The following ST18 variants were observed in gnomAD, a reference collection of about 807,000 sequenced individuals.
The protein encoded by ST18 is ST18 C2H2C-type zinc finger transcription factor.
A neutral mutation model predicts 110.0 loss-of-function variants in ST18; 50 were observed. The observed-to-expected ratio is 0.45, with a 90% CI of 0.36 to 0.58. The LOEUF (loss-of-function observed/expected upper bound fraction) is 0.58, where lower values mean the gene tolerates loss of function less well. ST18 is among the 20% of genes least tolerant of loss of function. The pLI is 0.00. For synonymous variants in ST18, 461 were observed against 452.4 expected, an observed-to-expected ratio of 1.02 and a Z score of -0.24; for missense variants, 1,306 against 1,280.1, an observed-to-expected ratio of 1.02 and a Z score of -0.31.
At chr8:52,143,488 A>AAAAAAG (rs2056092954) in intron 16 of ST18, among the ~76,000 whole-genome samples, 1 of 152,110 alleles carries the variant, frequency 6.6e-6, no homozygotes, top group South Asian at 2.1e-4. Flanking sequence ...CGTCTCAAAA[A>AAAAAAG]AAAAGAAAAG....
intron 2 of ST18, among the ~76,000 whole-genome samples, chr8:52,272,307 G>A (rs1263420603): frequency 6.6e-6 from 1 of 151,988 alleles, no homozygotes; most frequent in Non-Finnish European, 1.5e-5. Flanking sequence ...ATGACAAAGG[G>A]TTAATCTCCA....
intron 2 of ST18, among the ~76,000 whole-genome samples, chr8:52,358,606 G>A (rs1214149525): frequency 6.6e-6 from 1 of 151,746 alleles, no homozygotes; most frequent in Non-Finnish European, 1.5e-5. Context: ...CAATGAAATG[G>A]AAACATTTCT....
chr8:52,136,471 T>C, intron 19 of ST18, 119 bp downstream of exon 19: 1 of 978,230 alleles, frequency 1.0e-6, no homozygotes, highest in Non-Finnish European at 1.5e-6. Flanking sequence ...GCCTTTGCTG[T>C]GATCCTGGCA....
chr8:52,195,852 T>C (rs1219716974), intron 8 of ST18, among the ~76,000 whole-genome samples: 2 of 152,172 alleles, frequency 1.3e-5, no homozygotes, highest in Non-Finnish European at 2.9e-5. Flanking sequence ...AAAAATAAAG[T>C]AAAACAATAA....
intron 25 of ST18, 150 bp from the exon 26 acceptor site, chr8:52,113,488 A>G: frequency 1.3e-6 from 1 of 786,880 alleles, no homozygotes; most frequent in Non-Finnish European, 2.1e-6. Flanking sequence ...ATGGAGAGAG[A>G]CGGAGTGTGT....
rs749207182 is a variant in ST18 at position 52,171,899 on chromosome 8, T to C, written c.962A>G (p.His321Arg). 14 of 1,614,122 alleles carry C rather than the reference T, an allele frequency of 8.7e-6. No homozygotes were observed. The highest frequency in any genetic ancestry group is 6.7e-5 in the Admixed American group (4 of 60,010). ...CCTATCCAGCTCTTTGTAGGTGTTA[T>C]GGAAAACACAACCTCGCTCAGCCTG... ...ALQAERGCVF[H>R]NTYKELDRFL... Residue 321 changes from histidine to arginine, a missense_variant, in exon 10 of 26, where the codon CAT becomes CGT. Physicochemically the swap from His to Arg is conservative, Grantham distance 29. Coordinates refer to ENST00000689386, the MANE Select transcript of ST18 (RefSeq NM_001352837.2).
At position 52,302,846 on chromosome 8, in the gene ST18, CA is replaced by C. The variant is rs567066825; in HGVS notation, c.-464-72770del. Reference sequence around the variant, plus strand: ...CAACCCCTTCCTTAGAGTAGAATACCAAAAAATACATAGAAGGAAGTCATTA... The same window carrying C: ...CAACCCCTTCCTTAGAGTAGAATACCAAAAATACATAGAAGGAAGTCATTA... On this transcript the variant is annotated intron_variant, in intron 2 of 25. Transcript: ENST00000689386. 5.1e-3 allele frequency among the ~76,000 whole-genome samples: 769 copies of C among 151,728 alleles called. 4 individuals are homozygous for C. The highest frequency in any genetic ancestry group is 8.6e-3 in the Non-Finnish European group (582 of 67,902).
chr8:52,353,303 C>T (rs1368546510), intron 2 of ST18, among the ~76,000 whole-genome samples: 2 of 152,214 alleles, frequency 1.3e-5, no homozygotes, highest in African/African-American at 4.8e-5. Flanking sequence ...CACAATCTTT[C>T]TTAGATGGCT....
At chr8:52,359,214 T>C (rs1040462336) in intron 2 of ST18, among the ~76,000 whole-genome samples, 2 of 151,784 alleles carry the variant, frequency 1.3e-5, no homozygotes, top group Admixed American at 6.6e-5. Context: ...CAAACTATAA[T>C]AGAAAGAGAA....
chr8:52,111,945 A>T lies in ST18; in HGVS notation c.*1253T>A, dbSNP rs1488044968. 1.3e-5 allele frequency: 2 copies of T among 151,556 alleles called. No individual in the cohort carries two copies. The highest frequency in any genetic ancestry group is 4.9e-5 in the African/African-American group (2 of 41,034). 9.4% of individuals were successfully genotyped at this position (151,556 alleles called of 1,614,324 possible). A position where few individuals can be genotyped will look rare whatever the true frequency, so the allele number is the denominator to read the frequency against. On this transcript the variant is annotated 3_prime_UTR_variant, in exon 26 of 26. Coordinates refer to ENST00000689386, the MANE Select transcript of ST18 (RefSeq NM_001352837.2). The stretch of plus-strand genomic sequence containing the variant: ...GTGGGCTCAATTTGAAGTGTGGATG[A>T]GTCTGTGTGTGTGTGTGTGTGTGTG...
chr8:52,357,717 ATATATATATATAT>A (rs1564568732), intron 2 of ST18, among the ~76,000 whole-genome samples: 10 of 73,272 alleles, frequency 1.4e-4, no homozygotes, highest in African/African-American at 3.2e-4. Flanking sequence ...ATATATATAT[ATATATATATATAT>A]AAAACAGACT....
At chr8:52,148,241 G>T (rs1282781141) in intron 16 of ST18, among the ~76,000 whole-genome samples, 2 of 151,756 alleles carry the variant, frequency 1.3e-5, no homozygotes, top group African/African-American at 4.9e-5. Context: ...TACTATGATA[G>T]ATTGATTAAG....
At chr8:52,345,914 A>C (rs1042442370) in intron 2 of ST18, among the ~76,000 whole-genome samples, 1 of 152,170 alleles carries the variant, frequency 6.6e-6, no homozygotes, top group Non-Finnish European at 1.5e-5. Context: ...AATATCTTAA[A>C]TATATAAAAA....
At chr8:52,274,328 G>A (rs188994492) in intron 2 of ST18, among the ~76,000 whole-genome samples, 8 of 152,114 alleles carry the variant, frequency 5.3e-5, no homozygotes, top group Admixed American at 4.6e-4. Context: ...TAGATAAAAT[G>A]TTTTACGTAG....
rs141802011 is a variant in ST18, at chr8:52,284,114, C to T, written c.-464-54037G>A. On this transcript the variant is annotated intron_variant, in intron 2 of 25. Transcript: ENST00000689386. ...GAATTTTGTCAAGAAAGCGAGATGA[C>T]GCAAGTGAGAGGCAGAGCCAAAGTG... Among the ~76,000 whole-genome samples the T allele has an allele frequency of 2.8e-3, 429 of 152,192 alleles. 1 individual carries two copies. Among genetic ancestry groups the T allele is most frequent in the South Asian group, 8.1e-3 (39 of 4,822 alleles).
At chr8:52,247,000 C>T (rs1297201825) in intron 2 of ST18, among the ~76,000 whole-genome samples, 1 of 152,174 alleles carries the variant, frequency 6.6e-6, no homozygotes, top group Non-Finnish European at 1.5e-5. Context: ...ACTGTAGATT[C>T]TCTTGTCACT....
At chr8:52,353,229 T>C (rs538210903) in intron 2 of ST18, among the ~76,000 whole-genome samples, 5 of 152,352 alleles carry the variant, frequency 3.3e-5, no homozygotes, top group Admixed American at 1.3e-4. Context: ...CATTTAATAA[T>C]GTACCTCACA....
At chr8:52,294,036 G>A (rs2095595641) in intron 2 of ST18, among the ~76,000 whole-genome samples, 1 of 152,190 alleles carries the variant, frequency 6.6e-6, no homozygotes. Flanking sequence ...CACTGCACAA[G>A]GCTCACAGGT....
chr8:52,385,729 A>G (rs983666070), intron 2 of ST18, among the ~76,000 whole-genome samples: 5 of 152,138 alleles, frequency 3.3e-5, no homozygotes, highest in African/African-American at 1.2e-4. Flanking sequence ...AGAAAAAAAA[A>G]AAAAAGACTT....
Sources: allele counts gnomAD v4.1 joint callset (sites outside exome capture counted in the v4.1 genomes callset), GRCh38; gene constraint gnomAD v4.1.1; transcripts MANE v1.5; gene names NCBI Gene and HGNC (gene_info 2026-07-23, HGNC 2026-07-21).